Variants in GYS1 observed in about 807,000 individuals in gnomAD.
The protein encoded by GYS1 is glycogen synthase 1, also known as glycogen [starch] synthase, muscle.
GYS1 carries 60 observed loss-of-function variants against 89.1 expected under a neutral mutation model. The ratio of observed to expected loss-of-function variants is 0.67; its 90% CI spans 0.55 to 0.84. The LOEUF is 0.84. GYS1 is among the 40% of genes least tolerant of loss of function. The probability of loss-of-function intolerance (pLI) is 0.00; values close to 1 mark genes in which losing one functional copy is unlikely to be tolerated. For synonymous variants in GYS1, 366 were observed against 401.7 expected, an observed-to-expected ratio of 0.91 and a Z score of 1.06; for missense variants, 888 against 1,003.1, an observed-to-expected ratio of 0.89 and a Z score of 1.55.
At chr19:48,990,991 C>A (rs1216948864) in intron 2 of GYS1, among the ~76,000 whole-genome samples, 1 of 152,210 alleles carries the variant, frequency 6.6e-6, no homozygotes, top group Non-Finnish European at 1.5e-5. Context: ...GACGGGGTTT[C>A]GCCATGTTGA....
At chr19:48,981,178 G>A (rs1169510640) in intron 8 of GYS1, among the ~76,000 whole-genome samples, 1 of 151,812 alleles carries the variant, frequency 6.6e-6, no homozygotes, top group East Asian at 1.9e-4. Flanking sequence ...ACTTTGGGAG[G>A]CTGAGGCGGG....
Position 48,974,207 on chromosome 19 carries a change from A to G in GYS1, c.1549+6T>C, listed in dbSNP as rs1422467717. The G allele has an allele frequency of 6.3e-7, 1 of 1,595,362 alleles. No homozygotes were observed. Among genetic ancestry groups the G allele is most frequent in the Non-Finnish European group, 8.5e-7 (1 of 1,170,558 alleles). On this transcript the variant is annotated splice_donor_region_variant and intron_variant, in intron 12 of 15. Transcript: ENST00000323798. ...GACCACGCTGTCCCCTGCCCACTAC[A>G]CTCACCCGGTGTGTAGCCCCAAGGC...
intron 12 of GYS1, among the ~76,000 whole-genome samples, chr19:48,973,106 C>T (rs1282922517): frequency 1.3e-5 from 2 of 152,092 alleles, no homozygotes; most frequent in Non-Finnish European, 2.9e-5. Context: ...GGGGTGGTTC[C>T]CCCGCCGCTG....
At chr19:48,984,251 C>A (rs2038806994) in intron 5 of GYS1, among the ~76,000 whole-genome samples, 1 of 151,992 alleles carries the variant, frequency 6.6e-6, no homozygotes, top group Non-Finnish European at 1.5e-5. Flanking sequence ...AGGTGATCTG[C>A]CCACCTCAGC....
chr19:48,983,849 A>G (rs1360411436), intron 5 of GYS1, among the ~76,000 whole-genome samples: 1 of 152,190 alleles, frequency 6.6e-6, no homozygotes, highest in Non-Finnish European at 1.5e-5. Context: ...GAAAGAAATT[A>G]TACCTCCCAT....
chr19:48,986,704 G>T (rs2038848811), intron 3 of GYS1, among the ~76,000 whole-genome samples: 1 of 152,002 alleles, frequency 6.6e-6, no homozygotes, highest in South Asian at 2.1e-4. Context: ...TAAAGACGAG[G>T]TTTGGCCATC....
intron 8 of GYS1, chr19:48,981,320 G>C: frequency 1.8e-6 from 1 of 563,142 alleles, no homozygotes; most frequent in Non-Finnish European, 3.2e-6. Flanking sequence ...GGCTGAGGCA[G>C]ATGACTTGCT....
chr19:48,985,600 G>T lies in GYS1; in HGVS notation c.684C>A (p.Asn228Lys). 1 of 1,614,058 alleles carries T rather than the reference G, an allele frequency of 6.2e-7. No homozygotes were observed. Among genetic ancestry groups the T allele is most frequent in the Non-Finnish European group, 8.5e-7 (1 of 1,180,004 alleles). Reference sequence around the variant, plus strand: ...GCCTCTCCCCTGCTTCCTTGTCCACGTTGAACTGGGTGGGAGGGGACAGCA... The same window carrying T: ...GCCTCTCCCCTGCTTCCTTGTCCACTTTGAACTGGGTGGGAGGGGACAGCA... ...VDFYNNLENF[N>K]VDKEAGERQI... Residue 228 changes from asparagine to lysine, a missense_variant, in exon 5 of 16, where the codon AAC becomes AAA. Coordinates refer to ENST00000323798, the MANE Select transcript of GYS1 (RefSeq NM_002103.5).
Position 48,981,412 on chromosome 19 carries a change from AAAAC to A in GYS1, c.1169+114_1169+117del, listed in dbSNP as rs141012491. The A allele has an allele frequency of 2.0e-3, 1,434 of 723,550 alleles. 1 individual carries two copies. The highest frequency in any genetic ancestry group is 9.3e-3 in the African/African-American group (535 of 57,648). 44.8% of individuals were successfully genotyped at this position (723,550 alleles called of 1,614,324 possible). The stretch of plus-strand genomic sequence containing the variant: ...TGGGCGACAGAGTGAGACTGTCTCA[AAAAC>A]AAACAAACAAACAAACAAACAAAAC... On this transcript the variant is annotated intron_variant, in intron 8 of 15. Coordinates refer to ENST00000323798, the MANE Select transcript of GYS1 (RefSeq NM_002103.5).
In GYS1 at chr19:48,986,029, C is replaced by G; in HGVS notation, c.499G>C (p.Ala167Pro). The G allele has an allele frequency of 6.2e-7, 1 of 1,613,988 alleles. No individual in the cohort carries two copies. Among genetic ancestry groups the G allele is most frequent in the Non-Finnish European group, 8.5e-7 (1 of 1,179,978 alleles). ...ACATGTGGCTTCTCCTCACTCTGTGCCAGGAACTGTGGGCAACAGGGACAG... is the reference window on the plus strand; with the variant it reads ...ACATGTGGCTTCTCCTCACTCTGTGGCAGGAACTGTGGGCAACAGGGACAG... ...LTTWFLGEFL[A>P]QSEEKPHVVA... Residue 167 changes from alanine to proline, a missense_variant, in exon 4 of 16, where the codon GCA becomes CCA. Coordinates refer to ENST00000323798, the MANE Select transcript of GYS1 (RefSeq NM_002103.5).
In GYS1 at chr19:48,987,210, G is replaced by A; in HGVS notation, c.476C>T (p.Thr159Ile). Reference sequence around the variant, plus strand: ...GGGGCCTACCTCACCCAGGAACCAGGTGGTCAGAAAGCCAAAGAGGACAGC... The same window carrying A: ...GGGGCCTACCTCACCCAGGAACCAGATGGTCAGAAAGCCAAAGAGGACAGC... ...NDAVLFGFLT[T>I]WFLGEFLAQS... Residue 159 changes from threonine (T) to isoleucine (I), a missense_variant, in exon 3 of 16, where the codon ACC (threonine) becomes ATC (isoleucine). Transcript: ENST00000323798. 3 of 1,612,690 alleles carry A rather than the reference G, an allele frequency of 1.9e-6. No homozygotes were observed. Among genetic ancestry groups the A allele is most frequent in the Non-Finnish European group, 2.5e-6 (3 of 1,178,912 alleles).
intron 10 of GYS1, among the ~76,000 whole-genome samples, chr19:48,977,119 G>A (rs1334151385): frequency 2.0e-5 from 3 of 151,558 alleles, no homozygotes; most frequent in Non-Finnish European, 4.4e-5. Context: ...GGTGGGTGGG[G>A]GGCTAGTGTG....
Position 48,987,108 on chromosome 19 carries a change from G to A in GYS1, c.492+86C>T, listed in dbSNP as rs1600149012. 7.5e-6 allele frequency: 7 copies of A among 939,068 alleles called. No homozygotes were observed. The East Asian group carries it at 1.8e-4, about 23-fold the overall frequency. 58.2% of individuals were successfully genotyped at this position (939,068 alleles called of 1,614,324 possible). A position where few individuals can be genotyped will look rare whatever the true frequency, so the allele number is the denominator to read the frequency against. On this transcript the variant is annotated intron_variant, in intron 3 of 15. Coordinates refer to ENST00000323798, the MANE Select transcript of GYS1 (RefSeq NM_002103.5). Reference sequence around the variant, plus strand: ...TAAAGGACCCTATGACTCCCAGAATGCCCAGGGAGAAGCCCATCCTCTGGC... The same window carrying A: ...TAAAGGACCCTATGACTCCCAGAATACCCAGGGAGAAGCCCATCCTCTGGC...
chr19:48,982,023 G>A (rs936557139), intron 7 of GYS1, among the ~76,000 whole-genome samples: 1 of 152,114 alleles, frequency 6.6e-6, no homozygotes, highest in African/African-American at 2.4e-5. Context: ...CTCCCGAGTA[G>A]CTGGGACTAC....
intron 10 of GYS1, among the ~76,000 whole-genome samples, chr19:48,977,198 T>C (rs1194860590): frequency 1.3e-5 from 2 of 151,634 alleles, no homozygotes; most frequent in South Asian, 2.1e-4. Flanking sequence ...CTCAGCCTCC[T>C]GGTCTCAAGT....
Position 48,982,711 on chromosome 19 carries a change from C to T in GYS1, c.941+9G>A. 6.5e-7 allele frequency: 1 copy of T among 1,547,350 alleles called. No individual in the cohort carries two copies. Among genetic ancestry groups the T allele is most frequent in the Non-Finnish European group, 8.9e-7 (1 of 1,119,284 alleles). On this transcript the variant is annotated intron_variant, in intron 6 of 15. Transcript: ENST00000323798. ...CCTCTCTTAAGACCTAGGTATATGC[C>T]CCACGTACCCATAAAAATGGCCCCG...
chr19:48,969,095 G>C lies in GYS1; in HGVS notation c.*193C>G. ...ATATTCTGGAGCCAGAGAAAGGCACGGCTTTGTGGATTCTGGAGTGCAGGA... is the reference window on the plus strand; with the variant it reads ...ATATTCTGGAGCCAGAGAAAGGCACCGCTTTGTGGATTCTGGAGTGCAGGA... On this transcript the variant is annotated 3_prime_UTR_variant, in exon 16 of 16. Transcript: ENST00000323798. The C allele has an allele frequency of 1.6e-6, 1 of 638,920 alleles. No homozygotes were observed. Among genetic ancestry groups the C allele is most frequent in the Non-Finnish European group, 2.8e-6 (1 of 362,772 alleles). The allele number at this position is 638,920 out of a possible 1,614,324, so 39.6% of individuals were successfully genotyped here.
At chr19:48,971,133 GCGCTGTGCGGAGCGT>G in intron 12 of GYS1, 110 bp from the exon 13 acceptor site, 1 of 787,002 alleles carries the variant, frequency 1.3e-6, no homozygotes, top group Non-Finnish European at 2.3e-6. Flanking sequence ...CAAGTGCCAG[GCGCTGTGCGGAGCGT>G]CGCTGAGCCC....
chr19:48,974,706 G>A lies in GYS1; in HGVS notation c.1336C>T (p.His446Tyr), dbSNP rs763550291. ...TCTGAGGAGTCATCCAGCATATTGT[G>A]GGTGCACACAGGGGGGAAAGACTGC... ...QRQSFPPVCT[H>Y]NMLDDSSDPI... Residue 446 changes from histidine to tyrosine, a missense_variant, in exon 11 of 16, where the codon CAC (histidine) becomes TAC (tyrosine). Physicochemically the swap from His to Tyr is moderately conservative, Grantham distance 83 (BLOSUM62 2). Coordinates refer to ENST00000323798, the MANE Select transcript of GYS1 (RefSeq NM_002103.5). 1.2e-6 allele frequency: 2 copies of A among 1,613,814 alleles called. No individual in the cohort carries two copies. The highest frequency in any genetic ancestry group is 1.7e-6 in the Non-Finnish European group (2 of 1,179,816).
Sources: gnomAD v4.1 joint callset for allele counts (sites outside exome capture counted in the v4.1 genomes callset) on GRCh38, gnomAD v4.1.1 for gene constraint, MANE v1.5 for transcripts, NCBI Gene and HGNC (gene_info 2026-07-23, HGNC 2026-07-21) for gene names.